Variants in WWOX observed in about 807,000 individuals in gnomAD.
WWOX encodes WW domain-containing oxidoreductase.
In WWOX, 69 loss-of-function variants were observed where a neutral mutation model predicts 46.2. That is an observed-to-expected ratio of 1.49 (90% CI 1.23 to 1.82). WWOX has a LOEUF of 1.82. Among genes scored for constraint, WWOX ranks in the 40% most tolerant of loss-of-function variants. The pLI is 0.00. For synonymous variants in WWOX, 359 were observed against 202.6 expected (o/e 1.77, Z -6.56); for missense variants, 919 against 542.6 (o/e 1.69, Z -6.89).
chr16:78,550,057 G>C (rs1047559626), intron 8 of WWOX, among the ~76,000 whole-genome samples: 1 of 152,224 alleles, frequency 6.6e-6, no homozygotes, highest in African/African-American at 2.4e-5. Context: ...GTTGAATGAA[G>C]TTACCTGGTA....
chr16:78,780,254 G>A (rs1193191665), intron 8 of WWOX, among the ~76,000 whole-genome samples: 1 of 152,166 alleles, frequency 6.6e-6, no homozygotes, highest in African/African-American at 2.4e-5. Context: ...CTGGGGGTCA[G>A]GAGAGGGAGA....
At chr16:78,575,045 ATATATATATATATAT>A (rs2044832428) in intron 8 of WWOX, among the ~76,000 whole-genome samples, 2 of 7,164 alleles carry the variant, frequency 2.8e-4, no homozygotes, top group African/African-American at 4.7e-4. Context: ...ATATATATAT[ATATATATATATATAT>A]ATATATATAT....
At chr16:78,585,458 G>T (rs184722082) in intron 8 of WWOX, among the ~76,000 whole-genome samples, 1 of 152,152 alleles carries the variant, frequency 6.6e-6, no homozygotes, top group Non-Finnish European at 1.5e-5. Flanking sequence ...ATTCACTGAT[G>T]GGCCCCCAAC....
intron 8 of WWOX, among the ~76,000 whole-genome samples, chr16:78,943,659 A>C (rs996209597): frequency 6.6e-6 from 1 of 152,226 alleles, no homozygotes. Context: ...GAAAAAATCC[A>C]GAAGAGTGTA....
chr16:78,981,419 G>A (rs1254771154), intron 8 of WWOX, among the ~76,000 whole-genome samples: 1 of 150,374 alleles, frequency 6.7e-6, no homozygotes, highest in Non-Finnish European at 1.5e-5. Context: ...TCACATCCAG[G>A]ATGATGTTTA....
At chr16:79,053,915 G>C (rs1441032589) in intron 8 of WWOX, among the ~76,000 whole-genome samples, 2 of 151,996 alleles carry the variant, frequency 1.3e-5, no homozygotes, top group East Asian at 3.9e-4. Context: ...GAAAGTGAGA[G>C]CTTTCGAAGA....
intron 8 of WWOX, among the ~76,000 whole-genome samples, chr16:78,710,227 C>T (rs576569344): frequency 6.6e-6 from 1 of 151,526 alleles, no homozygotes; most frequent in African/African-American, 2.4e-5. Context: ...ACTTGGGGCA[C>T]CTGGGGACTG....
At chr16:78,787,285 C>T (rs1024001772) in intron 8 of WWOX, among the ~76,000 whole-genome samples, 9 of 152,166 alleles carry the variant, frequency 5.9e-5, no homozygotes, top group African/African-American at 2.2e-4. Flanking sequence ...TTACCATCCC[C>T]CGCTAAAGAA....
chr16:78,999,199 A>G (rs2047047204), intron 8 of WWOX, among the ~76,000 whole-genome samples: 1 of 151,386 alleles, frequency 6.6e-6, no homozygotes, highest in Admixed American at 6.6e-5. Flanking sequence ...AGCCAGGGGC[A>G]GCGGGTCATA....
At chr16:78,974,959 G>A (rs1462558081) in intron 8 of WWOX, among the ~76,000 whole-genome samples, 2 of 152,176 alleles carry the variant, frequency 1.3e-5, no homozygotes, top group African/African-American at 4.8e-5. Context: ...GACCCAAAGG[G>A]AGATGGACAT....
At position 78,871,535 on chromosome 16, in the gene WWOX, G is replaced by A. The variant is rs188057046; in HGVS notation, c.1057-340073G>A. 2.0e-4 allele frequency among the ~76,000 whole-genome samples: 30 copies of A among 152,296 alleles called. 1 individual carries two copies. Among genetic ancestry groups the A allele is most frequent in the Admixed American group, 1.8e-3 (27 of 15,304 alleles). On this transcript the variant is annotated intron_variant, in intron 8 of 8. Coordinates refer to ENST00000566780, the MANE Select transcript of WWOX (RefSeq NM_016373.4). The stretch of plus-strand genomic sequence containing the variant: ...CAAGATCTCCAAGGAAGCAGTTCAC[G>A]CTTGGATGACTCTGGAGCTGTGGTG...
In WWOX at chr16:78,491,308, G is replaced by A. The variant is rs2151461789; in HGVS notation, c.1056+58556G>A. On this transcript the variant is annotated intron_variant, in intron 8 of 8. Coordinates refer to ENST00000566780, the MANE Select transcript of WWOX (RefSeq NM_016373.4). Reference sequence around the variant, plus strand: ...GGTTACAAGGTCATCTTTTCCCCTGGATGAGACGCCCCTTGGGGAAAGGAC... The same window carrying A: ...GGTTACAAGGTCATCTTTTCCCCTGAATGAGACGCCCCTTGGGGAAAGGAC... Among the ~76,000 whole-genome samples, 4 of 152,270 alleles carry A rather than the reference G, an allele frequency of 2.6e-5. No homozygotes were observed. In the South Asian group the frequency reaches 8.3e-4, roughly 32 times the overall value.
chr16:78,100,208 G>A, intron 1 of WWOX: 2 of 1,181,498 alleles, frequency 1.7e-6, no homozygotes, highest in South Asian at 2.0e-5. Context: ...CACATGCTCA[G>A]CTCCCTCCTG....
intron 5 of WWOX, among the ~76,000 whole-genome samples, chr16:78,286,816 T>C (rs1349287158): frequency 2.0e-5 from 3 of 152,186 alleles, no homozygotes; most frequent in South Asian, 2.1e-4. Flanking sequence ...GTTAAAGCTG[T>C]CTCTACTCTG....
At chr16:79,140,754 G>C (rs983019332) in intron 8 of WWOX, among the ~76,000 whole-genome samples, 1 of 152,180 alleles carries the variant, frequency 6.6e-6, no homozygotes, top group East Asian at 1.9e-4. Flanking sequence ...AAGCTTTCAA[G>C]GTGAGTTGTG....
intron 8 of WWOX, among the ~76,000 whole-genome samples, chr16:78,617,554 C>G (rs1370411861): frequency 6.6e-6 from 1 of 152,192 alleles, no homozygotes; most frequent in Admixed American, 6.5e-5. Context: ...GCACCCACGT[C>G]TTTCTCTGAG....
chr16:79,107,852 T>G (rs1316852070), intron 8 of WWOX, among the ~76,000 whole-genome samples: 3 of 152,176 alleles, frequency 2.0e-5, no homozygotes, highest in Non-Finnish European at 4.4e-5. Flanking sequence ...TAATTCGACA[T>G]TAGTGACAGA....
chr16:78,334,814 A>C (rs534625505), intron 5 of WWOX, among the ~76,000 whole-genome samples: 3 of 77,674 alleles, frequency 3.9e-5, no homozygotes, highest in Admixed American at 1.6e-4. Flanking sequence ...ACACGCACAC[A>C]CACACACACA....
intron 8 of WWOX, among the ~76,000 whole-genome samples, chr16:79,022,193 A>G (rs1468050621): frequency 6.6e-6 from 1 of 152,190 alleles, no homozygotes; most frequent in African/African-American, 2.4e-5. Context: ...GTAGAGTTGC[A>G]AAGACTGGGG....
Sources: gnomAD v4.1 joint callset for allele counts (sites outside exome capture counted in the v4.1 genomes callset) on GRCh38, gnomAD v4.1.1 for gene constraint, MANE v1.5 for transcripts, NCBI Gene and HGNC (gene_info 2026-07-23, HGNC 2026-07-21) for gene names.